Variants in COL6A5 observed in about 807,000 individuals in gnomAD.
The protein encoded by COL6A5 is collagen alpha-5(VI) chain.
A neutral mutation model predicts 65.6 loss-of-function variants in COL6A5; 48 were observed. The observed-to-expected ratio is 0.73, with a 90% confidence interval of 0.58 to 0.93. The LOEUF is 0.93. Ranked by LOEUF, COL6A5 falls within the 40% of genes least tolerant of loss-of-function variation. COL6A5 has a pLI of 0.00. For synonymous variants in COL6A5, 291 were observed against 322.8 expected (o/e 0.90, Z 1.05); for missense variants, 914 against 928.3 (o/e 0.98, Z 0.20).
At chr3:130,354,842 G>A (rs1441932729) in intron 1 of COL6A5, among the ~76,000 whole-genome samples, 1 of 152,144 alleles carries the variant, frequency 6.6e-6, no homozygotes, top group Non-Finnish European at 1.5e-5. Context: ...CAGTATGGTA[G>A]CCACTCACTG....
chr3:130,348,758 A>G lies in COL6A5; in HGVS notation c.-29+2777A>G, dbSNP rs150616768. Reference sequence around the variant, plus strand: ...CCACCAACAGTGTAAAAGTGTTCCTATTTCTCCACATCCTCTCCAGCATCT... The same window carrying G: ...CCACCAACAGTGTAAAAGTGTTCCTGTTTCTCCACATCCTCTCCAGCATCT... On this transcript the variant is annotated intron_variant and NMD_transcript_variant, in intron 1 of 41. Coordinates refer to the COL6A5 transcript ENST00000312481. 2.5e-3 allele frequency among the ~76,000 whole-genome samples: 378 copies of G among 152,238 alleles called. 1 individual carries two copies. Among genetic ancestry groups the G allele is most frequent in the African/African-American group, 8.5e-3 (355 of 41,530 alleles).
intron 20 of COL6A5, among the ~76,000 whole-genome samples, chr3:130,412,038 G>A (rs751968767): frequency 5.9e-5 from 9 of 152,102 alleles, no homozygotes; most frequent in Non-Finnish European, 8.8e-5. Flanking sequence ...TGTCTTCTAT[G>A]TGACAGAATT....
chr3:130,458,815 T>A (rs1229279387), intron 5 of COL6A5, among the ~76,000 whole-genome samples: 2 of 152,116 alleles, frequency 1.3e-5, no homozygotes, highest in Non-Finnish European at 2.9e-5. Flanking sequence ...ACTAACAGGC[T>A]TTTTGAACAT....
Position 130,421,189 on chromosome 3 carries a change from C to G in COL6A5, c.4987C>G (p.Arg1663Gly), listed in dbSNP as rs769436293. 2.6e-6 allele frequency: 4 copies of G among 1,550,168 alleles called. No individual in the cohort carries two copies. The African/African-American group carries it at 4.1e-5, about 16-fold the overall frequency. Residue 1663 changes from arginine (R) to glycine (G), a missense_variant and NMD_transcript_variant, in exon 26 of 42, where the codon CGA (arginine) becomes GGA (glycine). Physicochemically the swap from Arg to Gly is moderately radical, Grantham distance 125 (BLOSUM62 -2). Coordinates refer to the COL6A5 transcript ENST00000312481. ...CATCCCAGGCTACGGTCAGATGGGA[C>G]GAAAAGGAGTAAAGGTAAATATGGA...
chr3:130,409,977 AT>A (rs1437741447), intron 18 of COL6A5, 31 bp from the exon 19 acceptor site: 1 of 1,434,616 alleles, frequency 7.0e-7, no homozygotes. Flanking sequence ...ATATTTCTGG[AT>A]TCTAAACTAC....
At chr3:130,441,400 G>C (rs1709177797) in intron 3 of COL6A5, among the ~76,000 whole-genome samples, 1 of 152,142 alleles carries the variant, frequency 6.6e-6, no homozygotes, top group Non-Finnish European at 1.5e-5. Flanking sequence ...CACTACAAAG[G>C]GTTGCTCATT....
chr3:130,399,728 C>T (rs1936750023), intron 10 of COL6A5, among the ~76,000 whole-genome samples: 1 of 132,762 alleles, frequency 7.5e-6, no homozygotes, highest in Admixed American at 8.1e-5. Flanking sequence ...CCCATTCTTC[C>T]CATTCTTCCT....
chr3:130,455,572 G>A lies in COL6A5; in HGVS notation c.1452G>A (p.Leu484=), dbSNP rs193033080. 3.5e-4 allele frequency: 569 copies of A among 1,612,718 alleles called. 5 individuals carry two copies. In the East Asian group the frequency reaches 0.012, roughly 34 times the overall value. The change falls in exon 5 of 8, where the codon TTG becomes TTA. Residue 484 remains leucine (L), a synonymous_variant. Coordinates refer to ENST00000512836, the Ensembl canonical transcript of COL6A5. ...CGGAAGACAATGGAAGTGACTATTT[G>A]GTTTACCTTCCAAGCCAAATGTTTG... is the stretch of plus-strand genomic sequence containing the variant.
At chr3:130,403,128 C>T (rs1430646959) in intron 12 of COL6A5, among the ~76,000 whole-genome samples, 2 of 152,182 alleles carry the variant, frequency 1.3e-5, no homozygotes, top group African/African-American at 2.4e-5. Context: ...AAGTAAGCCA[C>T]AACACAGTTA....
intron 1 of COL6A5, among the ~76,000 whole-genome samples, chr3:130,434,596 C>T (rs1292314440): frequency 6.6e-6 from 1 of 152,202 alleles, no homozygotes; most frequent in East Asian, 1.9e-4. Flanking sequence ...TTGCCAGCAT[C>T]TATTGTTCCC....
At chr3:130,407,411 A>G (rs770476197) in intron 17 of COL6A5, among the ~76,000 whole-genome samples, 1 of 152,226 alleles carries the variant, frequency 6.6e-6, no homozygotes, top group Non-Finnish European at 1.5e-5. Flanking sequence ...TCAGATTTAC[A>G]TTTTAGAAAT....
chr3:130,371,836 A>G (rs1035023867), intron 1 of COL6A5, among the ~76,000 whole-genome samples: 13 of 152,204 alleles, frequency 8.5e-5, no homozygotes, highest in African/African-American at 3.1e-4. Context: ...ATTGGACTTC[A>G]TCAAATTTAA....
chr3:130,393,680 C>A (rs1936485888), intron 7 of COL6A5, among the ~76,000 whole-genome samples: 1 of 152,124 alleles, frequency 6.6e-6, no homozygotes, highest in Admixed American at 6.5e-5. Flanking sequence ...GCAAGATGGA[C>A]CAAATAACTC....
chr3:130,371,202 T>C (rs574167342), intron 1 of COL6A5, among the ~76,000 whole-genome samples: 2 of 152,256 alleles, frequency 1.3e-5, no homozygotes, highest in South Asian at 4.2e-4. Context: ...AGAAAGCCCA[T>C]AGTAATGGAT....
exon 3 of COL6A5, chr3:130,376,296 C>T: frequency 1.2e-6 from 2 of 1,613,334 alleles, no homozygotes; most frequent in Non-Finnish European, 1.7e-6. Context: ...TCACCTGGGA[C>T]CTAAGTCATT....
At chr3:130,413,788 G>A (rs1045406187) in intron 21 of COL6A5, among the ~76,000 whole-genome samples, 1 of 150,152 alleles carries the variant, frequency 6.7e-6, no homozygotes, top group South Asian at 2.1e-4. Context: ...TAGATACCTG[G>A]CAGACAGGCA....
chr3:130,375,339 G>T (rs866416929), intron 2 of COL6A5, among the ~76,000 whole-genome samples: 47 of 152,090 alleles, frequency 3.1e-4, no homozygotes, highest in African/African-American at 1.1e-3. Flanking sequence ...CAAAAAACTG[G>T]CCCTCTTGCC....
At chr3:130,436,812 C>T (rs1204314175) in intron 1 of COL6A5, among the ~76,000 whole-genome samples, 1 of 152,060 alleles carries the variant, frequency 6.6e-6, no homozygotes, top group Non-Finnish European at 1.5e-5. Context: ...GTCGGTATTG[C>T]CCAAAGCCCA....
intron 1 of COL6A5, among the ~76,000 whole-genome samples, chr3:130,355,360 C>A (rs1268359263): frequency 1.3e-5 from 2 of 151,564 alleles, no homozygotes; most frequent in Non-Finnish European, 2.9e-5. Flanking sequence ...TTCCTCTTGC[C>A]CCTATAAAAC....
Sources: allele counts gnomAD v4.1 joint callset (sites outside exome capture counted in the v4.1 genomes callset), GRCh38; gene constraint gnomAD v4.1.1; transcripts MANE v1.5; gene names NCBI Gene and HGNC (gene_info 2026-07-23, HGNC 2026-07-21).